DCHS1: variants seen among roughly 807,000 people sequenced by gnomAD.
The protein encoded by DCHS1 is dachsous cadherin-related 1.
DCHS1 carries 78 observed loss-of-function variants against 213.9 expected under a neutral mutation model. The observed-to-expected ratio is 0.36, with a 90% confidence interval of 0.30 to 0.44. DCHS1 has a LOEUF of 0.44. DCHS1 is among the 20% of genes least tolerant of loss of function. The pLI is 1.00. For missense variants in DCHS1, 3,946 were observed against 4,395.9 expected, an observed-to-expected ratio of 0.90 and a Z score of 2.89; for synonymous variants, 1,828 against 1,873.7, an observed-to-expected ratio of 0.98 and a Z score of 0.63.
At chr11:6,652,553 C>T (rs1056055885) in intron 1 of DCHS1, among the ~76,000 whole-genome samples, 5 of 152,104 alleles carry the variant, frequency 3.3e-5, no homozygotes, top group Admixed American at 2.0e-4. Context: ...GAACTGGAGA[C>T]GTGGGAAACA....
Position 6,641,320 on chromosome 11 carries a change from A to C in DCHS1, c.294T>G (p.Ser98Arg). 1.2e-6 allele frequency: 2 copies of C among 1,613,570 alleles called. No homozygotes were observed. Among genetic ancestry groups the C allele is most frequent in the Non-Finnish European group, 1.7e-6 (2 of 1,179,872 alleles). ...AGACACGGGCTGTACGGACGACCCC[A>C]CTGTGTTCGTCAATGGCCAGGTCTG... is the stretch of plus-strand genomic sequence containing the variant. ...VGTDLAIDEH[S>R]GVVRTARVLD... Residue 98 changes from serine to arginine, a missense_variant, in exon 2 of 21, where the codon AGT becomes AGG. Physicochemically the swap from Ser to Arg is moderately radical, Grantham distance 110. This residue lies in a region of DCHS1 where 3,384 missense variants were observed against 3,780.1 expected (regional missense o/e 0.90). Coordinates refer to ENST00000299441, the MANE Select transcript of DCHS1 (RefSeq NM_003737.4). The surrounding 1 kb of genome is among the most constrained non-coding windows in gnomAD (Gnocchi z 7.1).
intron 1 of DCHS1, among the ~76,000 whole-genome samples, chr11:6,652,673 G>A (rs554631587): frequency 6.6e-6 from 1 of 152,296 alleles, no homozygotes; most frequent in African/African-American, 2.4e-5. Context: ...CGTTCTTATA[G>A]GAAGGAAGGA....
In DCHS1 at chr11:6,630,507, C is replaced by A; in HGVS notation, c.4287G>T (p.Glu1429Asp). Reference sequence around the variant, plus strand: ...GCGCAAAGGCGGGCGCATGCTCATTCTCGTCCTGCACTTGCACCTGCACTC... The same window carrying A: ...GCGCAAAGGCGGGCGCATGCTCATTATCGTCCTGCACTTGCACCTGCACTC... Reference protein sequence around the residue: ...LLRVQVQVQDENEHAPAFARD... With the variant: ...LLRVQVQVQDDNEHAPAFARD... The change falls in exon 10 of 21, where the codon GAG (glutamate) becomes GAT (aspartate). Residue 1429 changes from glutamate (E) to aspartate (D), a missense_variant. By Grantham distance (45) the Glu-to-Asp change is conservative. Coordinates refer to ENST00000299441, the MANE Select transcript of DCHS1 (RefSeq NM_003737.4). 6.5e-7 allele frequency: 1 copy of A among 1,539,186 alleles called. No homozygotes were observed. The highest frequency in any genetic ancestry group is 8.7e-7 in the Non-Finnish European group (1 of 1,149,288).
chr11:6,653,761 A>G (rs1856277720), intron 1 of DCHS1, among the ~76,000 whole-genome samples: 3 of 152,206 alleles, frequency 2.0e-5, no homozygotes, highest in Admixed American at 2.0e-4. Flanking sequence ...GAGTGGTTGA[A>G]GGGATGATCC....
chr11:6,634,496 A>G (rs183152697), intron 2 of DCHS1, among the ~76,000 whole-genome samples, 190 bp from the exon 3 acceptor site: 151 of 152,316 alleles, frequency 9.9e-4, no homozygotes, highest in African/African-American at 3.6e-3. Context: ...AAGTGCCTCT[A>G]GCCATAACAT....
rs149828248 is a variant in DCHS1 at position 6,631,620 on chromosome 11, A to G, written c.3671T>C (p.Ile1224Thr). ...AAGTCCTGCCACTTCACATACCTGT[A>G]TAGGGAGGCCCCCACCAGCAGCTCC... ...ASGAAGGGLP[I>T]QVPDRVPPGT... The change falls in exon 7 of 21, where the codon ATA becomes ACA. Residue 1224 changes from isoleucine (I) to threonine (T), a missense_variant. By Grantham distance (89) the Ile-to-Thr change is moderately conservative. This residue lies in a region of DCHS1 where 3,384 missense variants were observed against 3,780.1 expected (regional missense o/e 0.90). Transcript: ENST00000299441. The G allele has an allele frequency of 3.8e-6, 6 of 1,575,530 alleles. No homozygotes were observed. Among genetic ancestry groups the G allele is most frequent in the South Asian group, 2.4e-5 (2 of 83,392 alleles).
chr11:6,640,029 T>C lies in DCHS1; in HGVS notation c.1585A>G (p.Ile529Val), dbSNP rs760870013. 1 of 1,613,940 alleles carries C rather than the reference T, an allele frequency of 6.2e-7. No homozygotes were observed. The highest frequency in any genetic ancestry group is 1.1e-5 in the South Asian group (1 of 91,084). ...TCCAGTGAGGCAGCCGTAGTGATAA[T>C]GCCTGAGGTGGGGTCAATGGAGAAC... ...HWFSIDPTSG[I>V]ITTAASLDYE... The change falls in exon 2 of 21, where the codon ATT becomes GTT. Residue 529 changes from isoleucine (I) to valine (V), a missense_variant. Coordinates refer to ENST00000299441, the MANE Select transcript of DCHS1 (RefSeq NM_003737.4). This position sits in a 1 kb window ranked among gnomAD's most constrained non-coding sequence, Gnocchi z 6.5.
At position 6,641,541 on chromosome 11, in the gene DCHS1, A is replaced by G. The variant is rs1856074472; in HGVS notation, c.73T>C (p.Leu25=). 1 of 1,543,704 alleles carries G rather than the reference A, an allele frequency of 6.5e-7. No homozygotes were observed. The change falls in exon 2 of 21, where the codon TTG becomes CTG. Residue 25 remains leucine (L), a synonymous_variant. Coordinates refer to ENST00000299441, the MANE Select transcript of DCHS1 (RefSeq NM_003737.4). The surrounding 1 kb of genome is among the most constrained non-coding windows in gnomAD (Gnocchi z 7.1). ...KSPRPHLLLP[L]LLLLLLLLGA... Reference sequence around the variant, plus strand: ...AGCAGCAGCAGCAGCAGCAGCAGCAATGGTAGCAGGAGGTGGGGCCTGGGG... The same window carrying G: ...AGCAGCAGCAGCAGCAGCAGCAGCAGTGGTAGCAGGAGGTGGGGCCTGGGG...
At position 6,625,123 on chromosome 11, in the gene DCHS1, G is replaced by A. The variant is rs1855772364; in HGVS notation, c.7146+75C>T. On this transcript the variant is annotated intron_variant, in intron 19 of 20. Coordinates refer to ENST00000299441, the MANE Select transcript of DCHS1 (RefSeq NM_003737.4). This position sits in a 1 kb window ranked among gnomAD's most constrained non-coding sequence, Gnocchi z 5.3. ...CTCCAACGTCCAGCCCACCTCAGCA[G>A]CTGCTAGCTCTGATACTTCCCTCCA... is the stretch of plus-strand genomic sequence containing the variant. 4.6e-6 allele frequency: 7 copies of A among 1,519,286 alleles called. No individual in the cohort carries two copies. In the South Asian group the frequency reaches 9.3e-5, roughly 20 times the overall value. The allele number at this position is 1,519,286 out of a possible 1,614,324, so 94.1% of individuals were successfully genotyped here.
At chr11:6,635,694 A>G (rs1855976965) in intron 2 of DCHS1, among the ~76,000 whole-genome samples, 1 of 152,138 alleles carries the variant, frequency 6.6e-6, no homozygotes, top group Admixed American at 6.5e-5. Flanking sequence ...ATCCCAGGAG[A>G]CAGACTTCCC....
intron 1 of DCHS1, among the ~76,000 whole-genome samples, chr11:6,648,044 A>C (rs1327428196): frequency 6.6e-6 from 1 of 152,182 alleles, no homozygotes; most frequent in Admixed American, 6.5e-5. Flanking sequence ...AGGTTACTAA[A>C]GTGGTTCCAT....
At chr11:6,633,189 G>T (rs1002459762) in intron 5 of DCHS1, 133 bp from the exon 6 acceptor site, 18 of 1,224,398 alleles carry the variant, frequency 1.5e-5, no homozygotes, top group Non-Finnish European at 1.8e-5. Context: ...GGAGGGGCAG[G>T]GGTTGGCAAA....
intron 1 of DCHS1, among the ~76,000 whole-genome samples, chr11:6,651,947 T>A (rs1856250775): frequency 6.6e-6 from 1 of 152,110 alleles, no homozygotes; most frequent in African/African-American, 2.4e-5. Context: ...AAGAGAGATG[T>A]CTGTGAGTCA....
intron 12 of DCHS1, 148 bp downstream of exon 12, chr11:6,629,304 C>T (rs901181993): frequency 2.2e-5 from 25 of 1,134,442 alleles, no homozygotes; most frequent in Middle Eastern, 2.9e-4. Flanking sequence ...GCCAAACTCT[C>T]GACTCCCCAA....
In DCHS1 at chr11:6,641,235, C is replaced by A; in HGVS notation, c.379G>T (p.Val127Leu). 6.2e-7 allele frequency: 1 copy of A among 1,613,766 alleles called. No individual in the cohort carries two copies. The change falls in exon 2 of 21, where the codon GTA becomes TTA. Residue 127 changes from valine to leucine, a missense_variant. Physicochemically the swap from Val to Leu is conservative, Grantham distance 32 (BLOSUM62 1). Around this residue, in one of 3 missense-constraint regions of DCHS1, gnomAD observed 3,384 missense variants for 3,780.1 expected, o/e 0.90. Coordinates refer to ENST00000299441, the MANE Select transcript of DCHS1 (RefSeq NM_003737.4). The surrounding 1 kb of genome is among the most constrained non-coding windows in gnomAD (Gnocchi z 7.1). ...TCAGCCACTCGCACTGTAACTTCTA[C>A]GGTGGCACCATCAGGAGTGACTGCA... ...FTAVTPDGATVEVTVRVADIN... is the reference protein window; with the variant it reads ...FTAVTPDGATLEVTVRVADIN...
Position 6,622,841 on chromosome 11 carries a change from C to A in DCHS1, c.8835G>T (p.Leu2945Phe), listed in dbSNP as rs752075434. 3 of 1,595,542 alleles carry A rather than the reference C, an allele frequency of 1.9e-6. No individual in the cohort carries two copies. The highest frequency in any genetic ancestry group is 2.6e-6 in the Non-Finnish European group (3 of 1,171,246). ...LLLVGAVAAS[L>F]GVVVVLALAA... ...CCAGTGCAAGCACCACCACAACTCC[C>A]AAGGAGGCTGCCACGGCCCCTACTA... The change falls in exon 21 of 21, where the codon TTG (leucine) becomes TTT (phenylalanine). Residue 2945 changes from leucine (L) to phenylalanine (F), a missense_variant. By Grantham distance (22) the Leu-to-Phe change is conservative. Transcript: ENST00000299441. This position sits in a 1 kb window ranked among gnomAD's most constrained non-coding sequence, Gnocchi z 5.4.
At position 6,626,082 on chromosome 11, in the gene DCHS1, G is replaced by T. The variant is rs1159374143; in HGVS notation, c.6577-8C>A. ...CAGGTCATCCGCCTCCACCTGGTGA[G>T]GGTAGGAGGCTGCTGGGACTGGTCT... On this transcript the variant is annotated splice_polypyrimidine_tract_variant and splice_region_variant and intron_variant, in intron 16 of 20. Coordinates refer to ENST00000299441, the MANE Select transcript of DCHS1 (RefSeq NM_003737.4). This position sits in a 1 kb window ranked among gnomAD's most constrained non-coding sequence, Gnocchi z 5.2. 1.9e-6 allele frequency: 3 copies of T among 1,607,248 alleles called. No individual in the cohort carries two copies. Among genetic ancestry groups the T allele is most frequent in the Non-Finnish European group, 2.5e-6 (3 of 1,176,928 alleles).
chr11:6,640,925 C>T lies in DCHS1; in HGVS notation c.689G>A (p.Gly230Asp), dbSNP rs1172174294. 6.2e-7 allele frequency: 1 copy of T among 1,614,028 alleles called. No individual in the cohort carries two copies. Among genetic ancestry groups the T allele is most frequent in the Non-Finnish European group, 8.5e-7 (1 of 1,179,900 alleles). The change falls in exon 2 of 21, where the codon GGT (glycine) becomes GAT (aspartate). Residue 230 changes from glycine (G) to aspartate (D), a missense_variant. Gly to Asp is a moderately conservative substitution (Grantham distance 94, BLOSUM62 -1). This residue lies in a region of DCHS1 where 3,384 missense variants were observed against 3,780.1 expected (regional missense o/e 0.90). Transcript: ENST00000299441. The surrounding 1 kb of genome is among the most constrained non-coding windows in gnomAD (Gnocchi z 6.5). The stretch of plus-strand genomic sequence containing the variant: ...CTGGGCCCTCCGGGGGGGTGAACCA[C>T]CATCATAGGCCTCCAGCTGTAGCAT... ...HYMLQLEAYD[G>D]GSPPRRAQAL...
chr11:6,655,632 C>A lies in DCHS1; in HGVS notation c.-190G>T. The A allele has an allele frequency of 1.0e-6, 1 of 978,638 alleles. No homozygotes were observed. The highest frequency in any genetic ancestry group is 1.2e-6 in the Non-Finnish European group (1 of 826,734). The allele number at this position is 978,638 out of a possible 1,614,324, so 60.6% of individuals were successfully genotyped here. A position where few individuals can be genotyped will look rare whatever the true frequency, so the allele number is the denominator to read the frequency against. On this transcript the variant is annotated 5_prime_UTR_variant, in exon 1 of 21. Transcript: ENST00000299441. Reference sequence around the variant, plus strand: ...CGGCCGCGGTCAGCCCCCCGGGCAGCGCCCGCTCGCGCGGGGCCTGAGGCC... The same window carrying A: ...CGGCCGCGGTCAGCCCCCCGGGCAGAGCCCGCTCGCGCGGGGCCTGAGGCC...
Sources: allele counts gnomAD v4.1 joint callset (sites outside exome capture counted in the v4.1 genomes callset), GRCh38; gene constraint gnomAD v4.1.1; regional missense constraint gnomAD v4.1.1; non-coding constraint Gnocchi (gnomAD v3.1); transcripts MANE v1.5; gene names NCBI Gene and HGNC (gene_info 2026-07-23, HGNC 2026-07-21).